EP400: variants seen among roughly 807,000 people sequenced by gnomAD.
The protein encoded by EP400 is E1A-binding protein p400.
EP400 carries 105 observed loss-of-function variants against 354.1 expected under a neutral mutation model. That is an observed-to-expected ratio of 0.30 (90% CI 0.25 to 0.35). The LOEUF (loss-of-function observed/expected upper bound fraction) is 0.35. Among genes scored for constraint, EP400 ranks in the 10% least tolerant of loss-of-function variants. EP400 has a pLI of 1.00. For missense variants in EP400, 3,280 were observed against 4,121.0 expected (o/e 0.80, Z 5.59); for synonymous variants, 1,646 against 1,716.9 (o/e 0.96, Z 1.02).
At chr12:131,960,503 A>G (rs1003682632) in intron 1 of EP400, 82 bp from the exon 2 acceptor site, 1 of 1,310,768 alleles carries the variant, frequency 7.6e-7, no homozygotes, top group Admixed American at 2.7e-5. Flanking sequence ...TGTACTTTCA[A>G]AGTGTCTTTT....
At chr12:132,005,866 A>G (rs1166802288) in intron 13 of EP400, among the ~76,000 whole-genome samples, 2 of 152,156 alleles carry the variant, frequency 1.3e-5, no homozygotes, top group African/African-American at 2.4e-5. Context: ...ATGCCAGACT[A>G]TTTGGGGCAA....
chr12:131,983,212 GA>G (rs1892741196), intron 5 of EP400, among the ~76,000 whole-genome samples: 1 of 152,168 alleles, frequency 6.6e-6, no homozygotes. Context: ...AGCGGGGCTT[GA>G]CCCTAGCTCC....
Position 132,038,008 on chromosome 12 carries a change from C to T in EP400, c.6119C>T (p.Pro2040Leu), listed in dbSNP as rs770645247. Residue 2040 changes from proline to leucine, a missense_variant, in exon 32 of 53, where the codon CCG becomes CTG. Coordinates refer to ENST00000389561, the MANE Select transcript of EP400 (RefSeq NM_015409.5). The surrounding 1 kb of genome is among the most constrained non-coding windows in gnomAD (Gnocchi z 4.2). ...TCTCCCATGGATGATGCTGGCTTCCCGGTCAAAGCTGAGGAGTTTGTGGTG... is the reference window on the plus strand; with the variant it reads ...TCTCCCATGGATGATGCTGGCTTCCTGGTCAAAGCTGAGGAGTTTGTGGTG... Reference protein sequence around the residue: ...VYSPMDDAGFPVKAEEFVVLS... With the variant: ...VYSPMDDAGFLVKAEEFVVLS... The T allele has an allele frequency of 1.3e-5, 21 of 1,614,212 alleles. No individual in the cohort carries two copies. The highest frequency in any genetic ancestry group is 1.4e-5 in the Non-Finnish European group (16 of 1,180,034).
At chr12:132,028,528 C>T (rs1007187338) in intron 27 of EP400, among the ~76,000 whole-genome samples, 25 of 152,130 alleles carry the variant, frequency 1.6e-4, no homozygotes, top group Admixed American at 9.2e-4. Flanking sequence ...GGGGCAGAGC[C>T]GCAGCACTGA....
Position 132,006,322 on chromosome 12 carries a change from A to G in EP400, c.3126+20A>G. On this transcript the variant is annotated intron_variant, in intron 14 of 52. Coordinates refer to ENST00000389561, the MANE Select transcript of EP400 (RefSeq NM_015409.5). The stretch of plus-strand genomic sequence containing the variant: ...ACCTCGGTGAGGCGCTAAGCTTTCA[A>G]GTGTGGGATGGGCCTTTGAGAGACA... 2 of 1,611,816 alleles carry G rather than the reference A, an allele frequency of 1.2e-6. No individual in the cohort carries two copies. The highest frequency in any genetic ancestry group is 1.7e-6 in the Non-Finnish European group (2 of 1,178,762).
intron 2 of EP400, among the ~76,000 whole-genome samples, chr12:131,962,493 G>A: frequency 6.6e-6 from 1 of 152,156 alleles, no homozygotes; most frequent in Non-Finnish European, 1.5e-5. Context: ...GTATGTATAT[G>A]GGACCTTCAT....
At chr12:132,030,925 C>T (rs966305785) in intron 29 of EP400, among the ~76,000 whole-genome samples, 2 of 152,306 alleles carry the variant, frequency 1.3e-5, no homozygotes, top group Middle Eastern at 3.4e-3. Context: ...GGCCCAGTGT[C>T]CCCCAGCGCA....
intron 15 of EP400, among the ~76,000 whole-genome samples, chr12:132,008,932 T>C (rs35781454): frequency 0.13 from 17,267 of 138,044 alleles, 1,455 homozygotes; most frequent in African/African-American, 0.24. Context: ...TTTTTTTTTT[T>C]TTTTTTTTTT....
intron 1 of EP400, among the ~76,000 whole-genome samples, chr12:131,951,465 G>C (rs965609262): frequency 2.6e-5 from 4 of 152,202 alleles, no homozygotes; most frequent in Admixed American, 1.3e-4. Context: ...GTAGGCGTGA[G>C]CTACCGCGCC....
chr12:131,962,399 TCTC>T (rs1891918895), intron 2 of EP400, among the ~76,000 whole-genome samples: 1 of 152,204 alleles, frequency 6.6e-6, no homozygotes, highest in Non-Finnish European at 1.5e-5. Flanking sequence ...CTCGTATAGA[TCTC>T]CTTAAAAACA....
intron 11 of EP400, among the ~76,000 whole-genome samples, chr12:131,992,575 C>T (rs1893076706): frequency 6.6e-6 from 1 of 152,176 alleles, no homozygotes; most frequent in African/African-American, 2.4e-5. Flanking sequence ...GGTTGCCAGC[C>T]ATTGGGATTT....
At chr12:132,076,239 G>A (rs902014907) in intron 51 of EP400, 8 of 496,704 alleles carry the variant, frequency 1.6e-5, no homozygotes, top group Middle Eastern at 6.0e-4. Flanking sequence ...ACTTGCAGTC[G>A]TTTTTGTGAA....
Position 131,982,211 on chromosome 12 carries a change from G to C in EP400, c.1662G>C (p.Leu554=). 2 of 1,613,838 alleles carry C rather than the reference G, an allele frequency of 1.2e-6. No individual in the cohort carries two copies. Among genetic ancestry groups the C allele is most frequent in the Non-Finnish European group, 8.5e-7 (1 of 1,179,928 alleles). The change falls in exon 5 of 53, where the codon CTG becomes CTC. Residue 554 remains leucine (L), a synonymous_variant. Coordinates refer to ENST00000389561, the MANE Select transcript of EP400 (RefSeq NM_015409.5). ...ACGCTGCCAGCTTGCACACCCCACT[G>C]CCGCAGCTGCCCGGGAGGCTGCCCC... ...VQNAASLHTP[L]PQLPGRLPPA...
rs985440295 is a variant in EP400, at chr12:132,025,403, G to A, written c.4856-243G>A. On this transcript the variant is annotated intron_variant, in intron 24 of 52. Transcript: ENST00000389561. The surrounding 1 kb of genome is among the most constrained non-coding windows in gnomAD (Gnocchi z 4.1). ...TGTGTGTCACCCACCTTCCATGAGG[G>A]ACAGAGGGTAGATGGCCTTTTCTTG... 1.3e-5 allele frequency among the ~76,000 whole-genome samples: 2 copies of A among 152,238 alleles called. No homozygotes were observed. Among genetic ancestry groups the A allele is most frequent in the Non-Finnish European group, 2.9e-5 (2 of 68,048 alleles).
chr12:132,046,036 C>T lies in EP400; in HGVS notation c.7200+136C>T, dbSNP rs1895084702. 1.1e-5 allele frequency: 13 copies of T among 1,138,914 alleles called. 1 individual carries two copies. The South Asian group carries it at 1.6e-4, about 14-fold the overall frequency. The allele number at this position is 1,138,914 out of a possible 1,614,324, so 70.6% of individuals were successfully genotyped here. ...GTGGGTCTGCGGTGAAGTCCATCTC[C>T]TTGGGCTCCTGGTGGACCCAGCGAG... On this transcript the variant is annotated intron_variant, in intron 39 of 52. Transcript: ENST00000389561.
At chr12:131,962,215 G>A (rs1891909414) in intron 2 of EP400, among the ~76,000 whole-genome samples, 2 of 152,148 alleles carry the variant, frequency 1.3e-5, no homozygotes, top group South Asian at 4.1e-4. Flanking sequence ...AACACCCAGT[G>A]TTTTCATTGA....
In EP400 at chr12:131,986,531, G is replaced by T. The variant is rs779233540; in HGVS notation, c.1947G>T (p.Arg649Ser). 6.2e-7 allele frequency: 1 copy of T among 1,606,500 alleles called. No homozygotes were observed. The highest frequency in any genetic ancestry group is 8.5e-7 in the Non-Finnish European group (1 of 1,175,560). ...CCTTACAGATGGTAGCATCGACAAGGCTCCCTGTGGACCCTGCCCCGCCCT... is the reference window on the plus strand; with the variant it reads ...CCTTACAGATGGTAGCATCGACAAGTCTCCCTGTGGACCCTGCCCCGCCCT... The part of the protein sequence containing the change: ...SSLPQMVAST[R>S]LPVDPAPPCP... Residue 649 changes from arginine (R) to serine (S), a missense_variant, in exon 6 of 53, where the codon AGG becomes AGT. Coordinates refer to ENST00000389561, the MANE Select transcript of EP400 (RefSeq NM_015409.5).
intron 32 of EP400, among the ~76,000 whole-genome samples, chr12:132,041,739 TG>T (rs1264599924): frequency 1.3e-5 from 2 of 152,218 alleles, no homozygotes; most frequent in East Asian, 3.9e-4. Context: ...TTCTGGGTGG[TG>T]GTGTGGAGGC....
In EP400 at chr12:132,006,243, G is replaced by A; in HGVS notation, c.3067G>A (p.Asp1023Asn). The A allele has an allele frequency of 6.2e-7, 1 of 1,614,240 alleles. No homozygotes were observed. Among genetic ancestry groups the A allele is most frequent in the Non-Finnish European group, 8.5e-7 (1 of 1,180,048 alleles). ...IGKPNAKDIA[D>N]VTAVAEAILP... Reference sequence around the variant, plus strand: ...GAAGCCAAACGCCAAGGACATTGCGGACGTCACTGCGGTGGCTGAAGCCAT... The same window carrying A: ...GAAGCCAAACGCCAAGGACATTGCGAACGTCACTGCGGTGGCTGAAGCCAT... Residue 1023 changes from aspartate (D) to asparagine (N), a missense_variant, in exon 14 of 53, where the codon GAC becomes AAC. Transcript: ENST00000389561.
Sources: allele counts gnomAD v4.1 joint callset (sites outside exome capture counted in the v4.1 genomes callset), GRCh38; gene constraint gnomAD v4.1.1; non-coding constraint Gnocchi (gnomAD v3.1); transcripts MANE v1.5; gene names NCBI Gene and HGNC (gene_info 2026-07-23, HGNC 2026-07-21).